The following SMAD9 variants were observed in gnomAD, a reference collection of about 807,000 sequenced individuals.
SMAD9 encodes SMAD family member 9.
A neutral mutation model predicts 46.1 loss-of-function variants in SMAD9; 36 were observed. The observed-to-expected ratio is 0.78, with a 90% CI of 0.60 to 1.03. SMAD9 has a LOEUF of 1.03. Ranked by LOEUF, SMAD9 falls within the 50% of genes least tolerant of loss-of-function variation. The pLI, the probability that SMAD9 is intolerant of heterozygous loss-of-function variation, is 0.00. For missense variants in SMAD9, 572 were observed against 599.8 expected, an observed-to-expected ratio of 0.95 and a Z score of 0.48; for synonymous variants, 245 against 237.1, an observed-to-expected ratio of 1.03 and a Z score of -0.31.
chr13:36,870,705 T>C (rs531036186), intron 3 of SMAD9, among the ~76,000 whole-genome samples: 1 of 126,066 alleles, frequency 7.9e-6, no homozygotes, highest in Non-Finnish European at 1.7e-5. Context: ...ATATACTATG[T>C]TTTTTTTCCT....
At chr13:36,889,186 C>A (rs2058471069) in intron 1 of SMAD9, among the ~76,000 whole-genome samples, 1 of 152,166 alleles carries the variant, frequency 6.6e-6, no homozygotes, top group Admixed American at 6.5e-5. Context: ...CCTCAAAACG[C>A]TTTGAAGCAG....
intron 5 of SMAD9, among the ~76,000 whole-genome samples, chr13:36,859,135 T>G (rs1471378593): frequency 6.6e-6 from 1 of 152,262 alleles, no homozygotes; most frequent in South Asian, 2.1e-4. Context: ...TCAAGTTTAA[T>G]GACTGTAACA....
At position 36,867,304 on chromosome 13, in the gene SMAD9, A is replaced by G; in HGVS notation, c.750T>C (p.Asp250=). 6.4e-7 allele frequency: 1 copy of G among 1,550,910 alleles called. No individual in the cohort carries two copies. The highest frequency in any genetic ancestry group is 8.7e-7 in the Non-Finnish European group (1 of 1,146,272). ...QSGQPVDATA[D]RHVVLSIPNG... ...TTGGTATCGATAGCACTACATGTCT[A>G]TCAGCTGTGGCATCTACAGGTTGGC... Residue 250 remains aspartate, a synonymous_variant, in exon 4 of 7, where the codon GAT becomes GAC. Transcript: ENST00000379826.
At chr13:36,857,468 T>C (rs2058137727) in intron 5 of SMAD9, among the ~76,000 whole-genome samples, 1 of 152,178 alleles carries the variant, frequency 6.6e-6, no homozygotes, top group Non-Finnish European at 1.5e-5. Flanking sequence ...TTTCCATTTG[T>C]GTGTGACTGC....
Position 36,920,162 on chromosome 13 carries a change from CG to C in SMAD9, c.-234del. The C allele has an allele frequency of 6.6e-6, 1 of 151,258 alleles. No homozygotes were observed. The highest frequency in any genetic ancestry group is 1.4e-5 in the Non-Finnish European group (1 of 72,252). 9.4% of individuals were successfully genotyped at this position (151,258 alleles called of 1,614,324 possible). On this transcript the variant is annotated 5_prime_UTR_variant, in exon 1 of 7. Coordinates refer to ENST00000379826, the MANE Select transcript of SMAD9 (RefSeq NM_001127217.3). ...CGCCTGCAGGGCCCGGCGGCGGCGG[CG>C]GGGACCGAGACAGCGGCTGCAGCAG...
At chr13:36,853,750 T>A in intron 5 of SMAD9, 75 bp from the exon 6 acceptor site, 1 of 1,505,468 alleles carries the variant, frequency 6.6e-7, no homozygotes, top group Non-Finnish European at 9.2e-7. Context: ...CCTGAAACCC[T>A]AGGAGATGTG....
intron 3 of SMAD9, among the ~76,000 whole-genome samples, chr13:36,869,843 G>C (rs1269680138): frequency 2.7e-5 from 4 of 149,576 alleles, no homozygotes; most frequent in African/African-American, 9.9e-5. Context: ...AAAAAAAAAT[G>C]GTTAAACAAA....
At chr13:36,911,904 C>T (rs1319980594) in intron 1 of SMAD9, among the ~76,000 whole-genome samples, 1 of 152,110 alleles carries the variant, frequency 6.6e-6, no homozygotes, top group Non-Finnish European at 1.5e-5. Flanking sequence ...GATGGGGTTT[C>T]TCCATGTTGG....
intron 5 of SMAD9, among the ~76,000 whole-genome samples, chr13:36,856,207 G>GT (rs2058123023): frequency 6.6e-6 from 1 of 152,178 alleles, no homozygotes. Context: ...GTGGGCGGAG[G>GT]TTTTTTCAAG....
At chr13:36,894,739 G>C (rs536729952) in intron 1 of SMAD9, among the ~76,000 whole-genome samples, 63 of 152,130 alleles carry the variant, frequency 4.1e-4, no homozygotes, top group African/African-American at 1.0e-3. Flanking sequence ...CACTTATCCT[G>C]TGTGGCATCA....
In SMAD9 at chr13:36,865,631, G is replaced by C. The variant is rs768181413; in HGVS notation, c.909C>G (p.Asp303Glu). The C allele has an allele frequency of 1.7e-5, 27 of 1,614,094 alleles. No homozygotes were observed. The highest frequency in any genetic ancestry group is 2.3e-5 in the Non-Finnish European group (27 of 1,179,974). ...SRSVLIDGFT[D>E]PSNNRNRFCL... Reference sequence around the variant, plus strand: ...AGAATCTGTTCCTGTTATTTGAAGGGTCGGTGAACCCATCTATGAGCACAC... The same window carrying C: ...AGAATCTGTTCCTGTTATTTGAAGGCTCGGTGAACCCATCTATGAGCACAC... The change falls in exon 5 of 7, where the codon GAC becomes GAG. Residue 303 changes from aspartate (D) to glutamate (E), a missense_variant. Transcript: ENST00000379826.
chr13:36,906,366 CACTT>C (rs1351607116), intron 1 of SMAD9, among the ~76,000 whole-genome samples: 1 of 151,928 alleles, frequency 6.6e-6, no homozygotes, highest in African/African-American at 2.4e-5. Flanking sequence ...TGTGAAAAGA[CACTT>C]ACATAAATAA....
At chr13:36,913,078 C>T (rs1297050891) in intron 1 of SMAD9, among the ~76,000 whole-genome samples, 1 of 152,038 alleles carries the variant, frequency 6.6e-6, no homozygotes, top group Non-Finnish European at 1.5e-5. Flanking sequence ...GTTTTTATAT[C>T]TTATTTTTTA....
In SMAD9 at chr13:36,853,658, C is replaced by A; in HGVS notation, c.1021G>T (p.Val341Phe). The A allele has an allele frequency of 6.2e-7, 1 of 1,614,102 alleles. No homozygotes were observed. Among genetic ancestry groups the A allele is most frequent in the Non-Finnish European group, 8.5e-7 (1 of 1,180,018 alleles). Reference sequence around the variant, plus strand: ...CACTCGGCATACACCTCTCCCCCGACGTAGTACAAGTGCACACCTGCAGAC... The same window carrying A: ...CACTCGGCATACACCTCTCCCCCGAAGTAGTACAAGTGCACACCTGCAGAC... The part of the protein sequence containing the change: ...HIGKGVHLYY[V>F]GGEVYAECVS... The change falls in exon 6 of 7, where the codon GTC (valine) becomes TTC (phenylalanine). Residue 341 changes from valine to phenylalanine, a missense_variant. By Grantham distance (50) the Val-to-Phe change is conservative. Coordinates refer to ENST00000379826, the MANE Select transcript of SMAD9 (RefSeq NM_001127217.3).
At chr13:36,866,283 GA>G (rs1225140407) in intron 4 of SMAD9, among the ~76,000 whole-genome samples, 8 of 144,574 alleles carry the variant, frequency 5.5e-5, no homozygotes, top group African/African-American at 2.0e-4. Flanking sequence ...ATTATTTAAG[GA>G]AAAAAAAAGC....
intron 5 of SMAD9, among the ~76,000 whole-genome samples, chr13:36,855,503 A>G (rs1231103698): frequency 5.9e-5 from 9 of 152,210 alleles, no homozygotes; most frequent in African/African-American, 2.2e-4. Context: ...CTAGAAGTCA[A>G]TGTGATTATA....
rs567247748 is a variant in SMAD9 at position 36,863,287 on chromosome 13, G to A, written c.1003+2250C>T. 7.1e-4 allele frequency among the ~76,000 whole-genome samples: 108 copies of A among 152,230 alleles called. 1 individual carries two copies. Among genetic ancestry groups the A allele is most frequent in the African/African-American group, 2.6e-3 (106 of 41,522 alleles). The stretch of plus-strand genomic sequence containing the variant: ...CACACGCTTTATGGCAAGGCTTGTG[G>A]CATGTCCAAAAAAAAATTTTTTTCC... On this transcript the variant is annotated intron_variant, in intron 5 of 6. Transcript: ENST00000379826.
chr13:36,879,866 G>A lies in SMAD9; in HGVS notation c.-177C>T. On this transcript the variant is annotated 5_prime_UTR_variant, in exon 2 of 7. Transcript: ENST00000379826. ...ACTTTCTCCTAAGCCCTTGAACAGG[G>A]TGGCCAACTCTGGAAAACACGACAA... 1.6e-6 allele frequency: 1 copy of A among 639,862 alleles called. No individual in the cohort carries two copies. The highest frequency in any genetic ancestry group is 1.9e-5 in the South Asian group (1 of 52,370). 39.6% of individuals were successfully genotyped at this position (639,862 alleles called of 1,614,324 possible).
At chr13:36,920,060 C>A (rs2058731671) in intron 1 of SMAD9, 56 bp downstream of exon 1, 2 of 149,328 alleles carry the variant, frequency 1.3e-5, no homozygotes, top group Admixed American at 1.3e-4. Context: ...CCGGCGCCCC[C>A]AACCCCGCCC....
Sources: allele counts gnomAD v4.1 joint callset (sites outside exome capture counted in the v4.1 genomes callset), GRCh38; gene constraint gnomAD v4.1.1; transcripts MANE v1.5; gene names NCBI Gene and HGNC (gene_info 2026-07-23, HGNC 2026-07-21).